ITGA2B: variants seen among roughly 807,000 people sequenced by gnomAD.
The protein encoded by ITGA2B is integrin alpha-IIb.
ITGA2B carries 91 observed loss-of-function variants against 142.0 expected under a neutral mutation model. That is an observed-to-expected ratio of 0.64 (90% CI 0.54 to 0.76). The LOEUF (loss-of-function observed/expected upper bound fraction) is 0.76, where lower values mean the gene tolerates loss of function less well. ITGA2B is among the 30% of genes least tolerant of loss of function. ITGA2B has a pLI of 0.00. For synonymous variants in ITGA2B, 536 were observed against 567.2 expected, an observed-to-expected ratio of 0.94 and a Z score of 0.78; for missense variants, 1,231 against 1,350.8, an observed-to-expected ratio of 0.91 and a Z score of 1.39.
At chr17:44,376,595 A>G (rs1425756285) in intron 22 of ITGA2B, among the ~76,000 whole-genome samples, 1 of 152,070 alleles carries the variant, frequency 6.6e-6, no homozygotes, top group Non-Finnish European at 1.5e-5. Flanking sequence ...AGGCTTCTTC[A>G]AAGACCTTTT....
chr17:44,378,609 G>A (rs748460471), intron 19 of ITGA2B, 34 bp downstream of exon 19: 6 of 1,578,624 alleles, frequency 3.8e-6, no homozygotes, highest in South Asian at 3.5e-5. Flanking sequence ...AGGCAGAAAG[G>A]GCCAGGGTCG....
At chr17:44,378,239 T>A (rs962843143) in intron 20 of ITGA2B, 123 bp downstream of exon 20, 17 of 1,256,688 alleles carry the variant, frequency 1.4e-5, no homozygotes, top group African/African-American at 1.5e-5. Context: ...AAAAAAAAAA[T>A]AAAAAATTAC....
chr17:44,385,335 C>T lies in ITGA2B; in HGVS notation c.575G>A (p.Ser192Asn). The T allele has an allele frequency of 6.2e-7, 1 of 1,610,684 alleles. No homozygotes were observed. The highest frequency in any genetic ancestry group is 1.1e-5 in the South Asian group (1 of 90,950). ...CGCTTCACAGTAACGCTTGTCCCAG[C>T]CTGCAGGAGACAAGGAGGAGGGGTC... The part of the protein sequence containing the change: ...LSRIYVENDF[S>N]WDKRYCEAGF... The change falls in exon 5 of 30, where the codon AGC (serine) becomes AAC (asparagine). Residue 192 changes from serine to asparagine, a missense_variant and splice_region_variant. Coordinates refer to ENST00000262407, the MANE Select transcript of ITGA2B (RefSeq NM_000419.5).
chr17:44,386,705 G>A (rs2048652199), intron 1 of ITGA2B, among the ~76,000 whole-genome samples: 1 of 152,204 alleles, frequency 6.6e-6, no homozygotes, highest in South Asian at 2.1e-4. Context: ...ATGCTGTCAG[G>A]AGTAAATGTA....
At position 44,378,484 on chromosome 17, in the gene ITGA2B, C is replaced by T. The variant is rs780757796; in HGVS notation, c.1972G>A (p.Ala658Thr). Residue 658 changes from alanine to threonine, a missense_variant, in exon 20 of 30, where the codon GCA (alanine) becomes ACA (threonine). Ala to Thr is a moderately conservative substitution (Grantham distance 58). Transcript: ENST00000262407. ...SVTGSPLLVG[A>T]DNVLELQMDA... ...ATCTGCAGCTCCAGGACATTATCTG[C>T]CCCAACTAGGAGCGGGGAGCCCGTC... 2 of 1,613,830 alleles carry T rather than the reference C, an allele frequency of 1.2e-6. No homozygotes were observed. The highest frequency in any genetic ancestry group is 1.7e-5 in the Admixed American group (1 of 60,006).
rs1015399230 is a variant in ITGA2B at position 44,375,085 on chromosome 17, C to T, written c.2754G>A (p.Val918=). ...LVSCDSAPCT[V]VQCDLQEMAR... ...CCATCTCCTGCAGGTCACACTGCAC[C>T]ACAGTACAGGGCGCCGAGTCGCAGC... Residue 918 remains valine (V), a synonymous_variant, in exon 27 of 30, where the codon GTG becomes GTA. Coordinates refer to ENST00000262407, the MANE Select transcript of ITGA2B (RefSeq NM_000419.5). The T allele has an allele frequency of 1.2e-5, 19 of 1,549,132 alleles. No individual in the cohort carries two copies. The highest frequency in any genetic ancestry group is 1.7e-5 in the Non-Finnish European group (19 of 1,146,956).
chr17:44,384,898 C>A (rs374985637), intron 7 of ITGA2B, 50 bp downstream of exon 7: 188 of 1,612,262 alleles, frequency 1.2e-4, no homozygotes, highest in South Asian at 2.5e-4. Flanking sequence ...TGACCGTCTG[C>A]GGTGGGCGGT....
rs1049428866 is a variant in ITGA2B, at chr17:44,383,512, G to A, written c.1191C>T (p.Leu397=). 18 of 1,609,984 alleles carry A rather than the reference G, an allele frequency of 1.1e-5. No homozygotes were observed. The highest frequency in any genetic ancestry group is 1.5e-5 in the Non-Finnish European group (18 of 1,179,814). ...CCTCACCATTGTAGCCATCCCGGTCGAGGTCGCCCAGGGGTGCGATGGCAG... is the reference window on the plus strand; with the variant it reads ...CCTCACCATTGTAGCCATCCCGGTCAAGGTCGCCCAGGGGTGCGATGGCAG... The part of the protein sequence containing the change: ...FGSAIAPLGD[L]DRDGYNDIAV... Residue 397 remains leucine (L), a synonymous_variant, in exon 12 of 30, where the codon CTC becomes CTT. Coordinates refer to ENST00000262407, the MANE Select transcript of ITGA2B (RefSeq NM_000419.5).
rs746859448 is a variant in ITGA2B, at chr17:44,385,776, G to A, written c.408+48C>T. 9.3e-6 allele frequency: 15 copies of A among 1,611,912 alleles called. No individual in the cohort carries two copies. The Admixed American group carries it at 1.2e-4, about 13-fold the overall frequency. ...AGACTTGGGCTCCTCCTGGCCCCAGGTGTCCCTGCCCCCGATTGTTCCCTG... is the reference window on the plus strand; with the variant it reads ...AGACTTGGGCTCCTCCTGGCCCCAGATGTCCCTGCCCCCGATTGTTCCCTG... On this transcript the variant is annotated intron_variant, in intron 3 of 29. Coordinates refer to ENST00000262407, the MANE Select transcript of ITGA2B (RefSeq NM_000419.5).
rs1284522900 is a variant in ITGA2B, at chr17:44,386,139, G to A, written c.189-8C>T. On this transcript the variant is annotated splice_polypyrimidine_tract_variant and splice_region_variant and intron_variant, in intron 1 of 29. Coordinates refer to ENST00000262407, the MANE Select transcript of ITGA2B (RefSeq NM_000419.5). ...CCCACCACGATGGCCACTCTGCATA[G>A]GAAAGCTGGGTGAGCGCCGCGCAGA... 1 of 1,589,584 alleles carries A rather than the reference G, an allele frequency of 6.3e-7. No individual in the cohort carries two copies. Among genetic ancestry groups the A allele is most frequent in the Non-Finnish European group, 8.5e-7 (1 of 1,170,746 alleles).
rs1178075491 is a variant in ITGA2B at position 44,381,235 on chromosome 17, G to A, written c.1211-174C>T. Among the ~76,000 whole-genome samples, 3 of 152,198 alleles carry A rather than the reference G, an allele frequency of 2.0e-5. No individual in the cohort carries two copies. In the East Asian group the frequency reaches 5.8e-4, roughly 29 times the overall value. On this transcript the variant is annotated intron_variant, in intron 12 of 29. Coordinates refer to ENST00000262407, the MANE Select transcript of ITGA2B (RefSeq NM_000419.5). ...GGAGTTAACAATCAGGTGGGAGAGG[G>A]ACCTGCCAAGTAGGATTGTTATAAA...
chr17:44,379,764 A>C lies in ITGA2B; in HGVS notation c.1803T>G (p.Asn601Lys). ...DKLSPIVLSL[N>K]VSLPPTEAGM... The stretch of plus-strand genomic sequence containing the variant: ...CAGCCTCCGTGGGCGGTAGGGACAC[A>C]TTGAGGCTGAGCACAATGGGGCTCA... The change falls in exon 18 of 30, where the codon AAT becomes AAG. Residue 601 changes from asparagine (N) to lysine (K), a missense_variant. Coordinates refer to ENST00000262407, the MANE Select transcript of ITGA2B (RefSeq NM_000419.5). 6.2e-7 allele frequency: 1 copy of C among 1,613,746 alleles called. No homozygotes were observed. Among genetic ancestry groups the C allele is most frequent in the Non-Finnish European group, 8.5e-7 (1 of 1,179,964 alleles).
intron 1 of ITGA2B, 95 bp from the exon 2 acceptor site, chr17:44,386,226 A>T: frequency 1.3e-6 from 2 of 1,521,478 alleles, no homozygotes; most frequent in Non-Finnish European, 8.8e-7. Context: ...GCCATGTGGC[A>T]TGGGGGCACT....
At position 44,374,997 on chromosome 17, in the gene ITGA2B, C is replaced by A; in HGVS notation, c.2841+1G>T. 3 of 1,537,902 alleles carry A rather than the reference C, an allele frequency of 2.0e-6. No homozygotes were observed. Among genetic ancestry groups the A allele is most frequent in the Non-Finnish European group, 2.6e-6 (3 of 1,144,294 alleles). On this transcript the variant is annotated splice_donor_variant, in intron 27 of 29. Transcript: ENST00000262407. LOFTEE classifies it high-confidence loss of function. ...CCCCGCCCCACCACGGCCCACCCCA[C>A]CTGGTAGAGGCTGGGCAGCCACAGG...
intron 21 of ITGA2B, 123 bp downstream of exon 21, chr17:44,377,575 G>A: frequency 2.7e-6 from 2 of 735,492 alleles, no homozygotes; most frequent in South Asian, 2.9e-5. Flanking sequence ...AAGGACATGT[G>A]GCAAGGGAGT....
Position 44,385,672 on chromosome 17 carries a change from C to T in ITGA2B, c.453G>A (p.Glu151=). Reference sequence around the variant, plus strand: ...TACCTACGGGCGTCTTCTCAGCCTCCTCAGTCTTTTCTAGGACGTTCCAGT... The same window carrying T: ...TACCTACGGGCGTCTTCTCAGCCTCTTCAGTCTTTTCTAGGACGTTCCAGT... ...WQHWNVLEKT[E]EAEKTPVGSC... is the part of the protein sequence containing the mutation. The change falls in exon 4 of 30, where the codon GAG becomes GAA. Residue 151 remains glutamate (E), a synonymous_variant. Coordinates refer to ENST00000262407, the MANE Select transcript of ITGA2B (RefSeq NM_000419.5). The T allele has an allele frequency of 6.2e-7, 1 of 1,613,760 alleles. No homozygotes were observed.
chr17:44,377,004 A>G lies in ITGA2B; in HGVS notation c.2267+5T>C, dbSNP rs1422296099. On this transcript the variant is annotated splice_donor_5th_base_variant and intron_variant, in intron 22 of 29. Transcript: ENST00000262407. ...GGTGGGTAGGCACGCTCGCCAGGTC[A>G]GTACCTCCGTATCTGCAGCTGGAAG... is the stretch of plus-strand genomic sequence containing the variant. 1.2e-5 allele frequency: 19 copies of G among 1,583,506 alleles called. No individual in the cohort carries two copies. The highest frequency in any genetic ancestry group is 1.5e-5 in the Non-Finnish European group (18 of 1,165,472).
intron 29 of ITGA2B, among the ~76,000 whole-genome samples, chr17:44,372,703 AG>A (rs2143419255): frequency 1.3e-5 from 2 of 151,770 alleles, no homozygotes; most frequent in South Asian, 4.2e-4. Context: ...ATCTCGGCTC[AG>A]TGCAGCCTCC....
chr17:44,380,665 G>A lies in ITGA2B; in HGVS notation c.1394-20C>T. 1 of 1,614,166 alleles carries A rather than the reference G, an allele frequency of 6.2e-7. No individual in the cohort carries two copies. Among genetic ancestry groups the A allele is most frequent in the Non-Finnish European group, 8.5e-7 (1 of 1,180,024 alleles). On this transcript the variant is annotated intron_variant, in intron 13 of 29. Coordinates refer to ENST00000262407, the MANE Select transcript of ITGA2B (RefSeq NM_000419.5). ...TCAGGTCTATAGACATCGAGGAATG[G>A]GTCAGAATTGGCGATTAGGGCATGG...
Sources: allele counts gnomAD v4.1 joint callset (sites outside exome capture counted in the v4.1 genomes callset), GRCh38; gene constraint gnomAD v4.1.1; transcripts MANE v1.5; gene names NCBI Gene and HGNC (gene_info 2026-07-23, HGNC 2026-07-21).